Variants in GLRA1 observed in about 807,000 individuals in gnomAD.
GLRA1 encodes the protein glycine receptor subunit alpha-1.
In GLRA1, 37 loss-of-function variants were observed where a neutral mutation model predicts 48.3. That is an observed-to-expected ratio of 0.77 (90% CI 0.59 to 1.01). The LOEUF is 1.01. Ranked by LOEUF, GLRA1 falls within the 50% of genes least tolerant of loss-of-function variation. GLRA1 has a pLI of 0.00. For synonymous variants in GLRA1, 196 were observed against 210.7 expected, an observed-to-expected ratio of 0.93 and a Z score of 0.60; for missense variants, 427 against 571.0, an observed-to-expected ratio of 0.75 and a Z score of 2.57.
intron 2 of GLRA1, among the ~76,000 whole-genome samples, chr5:151,890,066 C>G (rs1307271983): frequency 2.0e-5 from 3 of 152,038 alleles, no homozygotes; most frequent in Non-Finnish European, 4.4e-5. Flanking sequence ...AATTTTATTT[C>G]TTAAAAATGC....
intron 3 of GLRA1, among the ~76,000 whole-genome samples, chr5:151,866,627 G>A (rs1048152616): frequency 6.6e-6 from 1 of 152,070 alleles, no homozygotes; most frequent in Non-Finnish European, 1.5e-5. Context: ...CTCCCAAGGG[G>A]ATATCTCATC....
At chr5:151,897,382 A>C (rs997354514) in intron 1 of GLRA1, among the ~76,000 whole-genome samples, 3 of 152,184 alleles carry the variant, frequency 2.0e-5, no homozygotes, top group African/African-American at 7.2e-5. Flanking sequence ...AGGAGCTGGG[A>C]ATGAATCTGA....
intron 8 of GLRA1, among the ~76,000 whole-genome samples, chr5:151,823,897 C>G (rs1409536745): frequency 6.6e-6 from 1 of 152,034 alleles, no homozygotes; most frequent in Non-Finnish European, 1.5e-5. Flanking sequence ...TGTCTGCTCT[C>G]CTCATGTCCA....
At chr5:151,860,833 C>T (rs10078205) in intron 3 of GLRA1, among the ~76,000 whole-genome samples, 3,850 of 152,248 alleles carry the variant, frequency 0.025, 66 homozygotes, top group South Asian at 0.073. Flanking sequence ...CCCATTAACT[C>T]GTCATTTACA....
intron 3 of GLRA1, among the ~76,000 whole-genome samples, chr5:151,879,464 G>T (rs746565453): frequency 2.0e-5 from 3 of 151,890 alleles, no homozygotes; most frequent in Admixed American, 6.6e-5. Context: ...AAGCAATTCT[G>T]CAGCCTCAGC....
intron 6 of GLRA1, among the ~76,000 whole-genome samples, chr5:151,853,132 T>C (rs1307831450): frequency 2.6e-5 from 4 of 152,212 alleles, no homozygotes; most frequent in Admixed American, 1.3e-4. Flanking sequence ...GTACAGAATT[T>C]CAGTTGTGCA....
intron 1 of GLRA1, among the ~76,000 whole-genome samples, chr5:151,914,404 G>T (rs754938410): frequency 6.6e-6 from 1 of 152,188 alleles, no homozygotes; most frequent in Non-Finnish European, 1.5e-5. Flanking sequence ...TTTGGGAGTG[G>T]TAAATCTGGG....
chr5:151,856,008 G>A (rs1753032161), intron 5 of GLRA1, among the ~76,000 whole-genome samples: 1 of 152,174 alleles, frequency 6.6e-6, no homozygotes, highest in South Asian at 2.1e-4. Context: ...GTGGGTTCAA[G>A]GACCATGACT....
intron 7 of GLRA1, among the ~76,000 whole-genome samples, chr5:151,838,900 GTCTCGCTCTGTTGCCCA>G (rs1489727931): frequency 3.9e-5 from 6 of 152,008 alleles, no homozygotes; most frequent in Non-Finnish European, 8.8e-5. Flanking sequence ...TTCAGATGGA[GTCTCGCTCTGTTGCCCA>G]GGCTAGAGTG....
At chr5:151,881,322 CTT>C (rs10714651) in intron 3 of GLRA1, among the ~76,000 whole-genome samples, 197 of 133,108 alleles carry the variant, frequency 1.5e-3, no homozygotes, top group Admixed American at 4.4e-3. Context: ...TTTGTTTTTC[CTT>C]TTTTTTTTTT....
intron 7 of GLRA1, among the ~76,000 whole-genome samples, chr5:151,837,228 T>C (rs1763601216): frequency 6.6e-6 from 1 of 152,210 alleles, no homozygotes; most frequent in Non-Finnish European, 1.5e-5. Flanking sequence ...TCACCACTGG[T>C]CATTAGAGCA....
intron 7 of GLRA1, 33 bp from the exon 8 acceptor site, chr5:151,829,100 G>C: frequency 6.2e-7 from 1 of 1,606,804 alleles, no homozygotes; most frequent in East Asian, 2.2e-5. Context: ...ACAGGGAGGT[G>C]AAAGCAGGGG....
chr5:151,888,424 A>T (rs191583555), intron 2 of GLRA1, among the ~76,000 whole-genome samples: 5 of 152,128 alleles, frequency 3.3e-5, no homozygotes, highest in Non-Finnish European at 7.4e-5. Context: ...TTTCCTCATC[A>T]ATCTGGAGAG....
chr5:151,914,671 G>T (rs922278723), intron 1 of GLRA1, among the ~76,000 whole-genome samples: 3 of 152,152 alleles, frequency 2.0e-5, no homozygotes, highest in African/African-American at 7.2e-5. Flanking sequence ...TTGGTCAAAA[G>T]GCAGGTGGGA....
chr5:151,834,336 A>G (rs1581601542), intron 7 of GLRA1, among the ~76,000 whole-genome samples: 2 of 152,158 alleles, frequency 1.3e-5, no homozygotes, highest in South Asian at 4.1e-4. Context: ...CAAAACCACA[A>G]AACTCCACGG....
chr5:151,858,581 A>T (rs2113356429), intron 4 of GLRA1, among the ~76,000 whole-genome samples: 1 of 152,216 alleles, frequency 6.6e-6, no homozygotes, highest in East Asian at 1.9e-4. Context: ...AGGGGATGGG[A>T]AGGTGGGCTC....
intron 7 of GLRA1, among the ~76,000 whole-genome samples, chr5:151,831,463 G>A (rs2113295274): frequency 6.6e-6 from 1 of 152,294 alleles, no homozygotes; most frequent in African/African-American, 2.4e-5. Context: ...GCTTGGTGGG[G>A]GGAGGAGTGT....
intron 3 of GLRA1, among the ~76,000 whole-genome samples, chr5:151,877,489 C>T (rs1365205194): frequency 2.6e-5 from 4 of 152,114 alleles, no homozygotes; most frequent in Non-Finnish European, 5.9e-5. Flanking sequence ...AAAATAAAAA[C>T]AAGCAAATAA....
chr5:151,835,108 C>T (rs1561548728), intron 7 of GLRA1, among the ~76,000 whole-genome samples: 1 of 150,368 alleles, frequency 6.7e-6, no homozygotes, highest in Non-Finnish European at 1.5e-5. Context: ...ACTGATCCCA[C>T]AGAAATACAA....
Sources: allele counts gnomAD v4.1 joint callset (sites outside exome capture counted in the v4.1 genomes callset), GRCh38; gene constraint gnomAD v4.1.1; transcripts MANE v1.5; gene names NCBI Gene and HGNC (gene_info 2026-07-23, HGNC 2026-07-21).